PRDM2: variants seen among roughly 807,000 people sequenced by gnomAD.
PRDM2 encodes the protein PR domain zinc finger protein 2.
PRDM2 carries 30 observed loss-of-function variants against 130.0 expected under a neutral mutation model. The ratio of observed to expected loss-of-function variants is 0.23; its 90% CI spans 0.17 to 0.31. The LOEUF is 0.31. PRDM2 is among the 10% of genes least tolerant of loss of function. PRDM2 has a pLI of 1.00. For missense variants in PRDM2, 2,011 were observed against 2,108.4 expected (o/e 0.95, Z 0.90); for synonymous variants, 871 against 782.4 (o/e 1.11, Z -1.89).
chr1:13,741,874 G>GT (rs200685114), intron 4 of PRDM2, 131 bp from the exon 5 acceptor site: 14,541 of 669,056 alleles, frequency 0.022, 287 homozygotes, highest in South Asian at 0.086. Context: ...CGCTTGTTTT[G>GT]TTTTTATGAA....
intron 7 of PRDM2, among the ~76,000 whole-genome samples, chr1:13,774,666 A>G (rs1274515503): frequency 6.6e-6 from 1 of 152,154 alleles, no homozygotes. Flanking sequence ...CTGACACAAC[A>G]TCAGGTCCCA....
At chr1:13,754,211 A>C (rs2100556045) in intron 6 of PRDM2, among the ~76,000 whole-genome samples, 1 of 152,278 alleles carries the variant, frequency 6.6e-6, no homozygotes, top group East Asian at 1.9e-4. Flanking sequence ...TATGAAACTC[A>C]GTTCTGCAAA....
intron 3 of PRDM2, among the ~76,000 whole-genome samples, 200 bp downstream of exon 3, chr1:13,731,317 CACAA>C (rs560677737): frequency 4.9e-4 from 75 of 152,228 alleles, no homozygotes; most frequent in African/African-American, 1.6e-3. Flanking sequence ...ACCAGGAACA[CACAA>C]ACAGACACAC....
intron 6 of PRDM2, among the ~76,000 whole-genome samples, chr1:13,756,246 G>T (rs943494036): frequency 1.3e-5 from 2 of 148,270 alleles, no homozygotes; most frequent in Non-Finnish European, 3.0e-5. Flanking sequence ...CTGGGCAACA[G>T]AGCGAGACTC....
chr1:13,790,245 A>C (rs1201400858), intron 8 of PRDM2, among the ~76,000 whole-genome samples: 2 of 152,142 alleles, frequency 1.3e-5, no homozygotes, highest in East Asian at 3.9e-4. Flanking sequence ...TGTAGCTCTC[A>C]ATTGCTAGAG....
intron 6 of PRDM2, among the ~76,000 whole-genome samples, chr1:13,751,629 C>G (rs1643843949): frequency 6.6e-6 from 1 of 150,532 alleles, no homozygotes; most frequent in Non-Finnish European, 1.5e-5. Flanking sequence ...AGTGAATCAA[C>G]ATAAATGTCA....
chr1:13,771,029 A>G lies in PRDM2; in HGVS notation c.512-2049A>G, dbSNP rs986439085. 1.3e-5 allele frequency among the ~76,000 whole-genome samples: 2 copies of G among 152,170 alleles called. No homozygotes were observed. The highest frequency in any genetic ancestry group is 2.4e-5 in the African/African-American group (1 of 41,464). On this transcript the variant is annotated intron_variant, in intron 6 of 9. Coordinates refer to ENST00000311066, the MANE Select transcript of PRDM2 (RefSeq NM_001393986.1). This position sits in a 1 kb window ranked among gnomAD's most constrained non-coding sequence, Gnocchi z 4.1. ...GGCAGAACTAGCTTATGTCATAAGC[A>G]TAAGAAAACTGATGGAAAGGAGGTA...
chr1:13,780,064 A>T lies in PRDM2; in HGVS notation c.2269A>T (p.Ser757Cys). ...TGCCCTTCGAGACTTTGGAAAGCCAAGTGATGGGAAAGCAGCATGGACCGA... is the reference window on the plus strand; with the variant it reads ...TGCCCTTCGAGACTTTGGAAAGCCATGTGATGGGAAAGCAGCATGGACCGA... ...SPALRDFGKPSDGKAAWTDAG... is the reference protein window; with the variant it reads ...SPALRDFGKPCDGKAAWTDAG... The change falls in exon 8 of 10, where the codon AGT (serine) becomes TGT (cysteine). Residue 757 changes from serine to cysteine, a missense_variant. Physicochemically the swap from Ser to Cys is moderately radical, Grantham distance 112 (BLOSUM62 -1). Around this residue, in one of 5 missense-constraint regions of PRDM2, gnomAD observed 1,288 missense variants for 1,237.7 expected, o/e 1.04. Coordinates refer to ENST00000311066, the MANE Select transcript of PRDM2 (RefSeq NM_001393986.1). The T allele has an allele frequency of 6.2e-7, 1 of 1,614,206 alleles. No homozygotes were observed.
intron 3 of PRDM2, among the ~76,000 whole-genome samples, chr1:13,731,906 T>C (rs557889762): frequency 1.1e-4 from 16 of 152,324 alleles, no homozygotes; most frequent in Non-Finnish European, 2.1e-4. Context: ...GAACATATTG[T>C]TCAAATGAAA....
intron 9 of PRDM2, among the ~76,000 whole-genome samples, chr1:13,818,801 G>T (rs1645300593): frequency 6.6e-6 from 1 of 152,182 alleles, no homozygotes; most frequent in Non-Finnish European, 1.5e-5. Flanking sequence ...GTGGTCTGCT[G>T]CTGGAATTGA....
intron 8 of PRDM2, among the ~76,000 whole-genome samples, chr1:13,800,186 C>A (rs576434058): frequency 2.0e-4 from 30 of 152,290 alleles, no homozygotes; most frequent in African/African-American, 7.0e-4. Context: ...TCCTACTCCA[C>A]GGAATTTATG....
Position 13,729,114 on chromosome 1 carries a change from G to A in PRDM2, c.10-1886G>A, listed in dbSNP as rs1643019622. Among the ~76,000 whole-genome samples, 3 of 152,130 alleles carry A rather than the reference G, an allele frequency of 2.0e-5. No homozygotes were observed. The South Asian group carries it at 6.2e-4, about 32-fold the overall frequency. Reference sequence around the variant, plus strand: ...AATTCCCTGCTCTGTGTGGAGAGGGGGAGACACTGATAATACCTGTCTCTT... The same window carrying A: ...AATTCCCTGCTCTGTGTGGAGAGGGAGAGACACTGATAATACCTGTCTCTT... On this transcript the variant is annotated intron_variant, in intron 2 of 9. Coordinates refer to ENST00000311066, the MANE Select transcript of PRDM2 (RefSeq NM_001393986.1).
Position 13,782,331 on chromosome 1 carries a change from C to G in PRDM2, c.4536C>G (p.Asn1512Lys), listed in dbSNP as rs1244477945. Residue 1512 changes from asparagine (N) to lysine (K), a missense_variant, in exon 8 of 10, where the codon AAC (asparagine) becomes AAG (lysine). Physicochemically the swap from Asn to Lys is moderately conservative, Grantham distance 94. This residue lies in a region of PRDM2 where 410 missense variants were observed against 395.9 expected (regional missense o/e 1.04). Transcript: ENST00000311066. ...PASSDKNSNS[N>K]HRRRTADAEI... is the part of the protein sequence containing the mutation. Reference sequence around the variant, plus strand: ...GTAGTGACAAAAACAGTAACAGCAACCACCGCAGACGGACAGCGGATGCGG... The same window carrying G: ...GTAGTGACAAAAACAGTAACAGCAAGCACCGCAGACGGACAGCGGATGCGG... 2 of 1,614,102 alleles carry G rather than the reference C, an allele frequency of 1.2e-6. No individual in the cohort carries two copies. Among genetic ancestry groups the G allele is most frequent in the South Asian group, 1.1e-5 (1 of 91,060 alleles).
intron 2 of PRDM2, among the ~76,000 whole-genome samples, chr1:13,726,999 C>G (rs1642939331): frequency 6.6e-6 from 1 of 152,140 alleles, no homozygotes; most frequent in African/African-American, 2.4e-5. Flanking sequence ...TCTGGGTAGA[C>G]AAGCGAATGG....
Position 13,749,718 on chromosome 1 carries a change from C to G in PRDM2, c.511+231C>G, listed in dbSNP as rs376400657. 1.4e-3 allele frequency among the ~76,000 whole-genome samples: 216 copies of G among 152,008 alleles called. 5 individuals carry two copies. In the East Asian group the frequency reaches 0.036, roughly 25 times the overall value. On this transcript the variant is annotated intron_variant, in intron 6 of 9. Transcript: ENST00000311066. Reference sequence around the variant, plus strand: ...CTGCCCTCCCGCCCTGCCGACCCGGCCCCGCTGCTGAATCACGGCCGCCGC... The same window carrying G: ...CTGCCCTCCCGCCCTGCCGACCCGGGCCCGCTGCTGAATCACGGCCGCCGC...
At chr1:13,769,146 C>A in intron 6 of PRDM2, 1 of 985,728 alleles carries the variant, frequency 1.0e-6, no homozygotes, top group Non-Finnish European at 1.2e-6. Flanking sequence ...CTGGCAGTAG[C>A]GCCCTGTAGG....
chr1:13,791,466 G>T (rs1243610022), intron 8 of PRDM2, among the ~76,000 whole-genome samples: 1 of 152,176 alleles, frequency 6.6e-6, no homozygotes, highest in African/African-American at 2.4e-5. Context: ...GATTCTAAAG[G>T]CCCTGGGATC....
At position 13,799,931 on chromosome 1, in the gene PRDM2, A is replaced by G. The variant is rs561130954; in HGVS notation, c.5037-16496A>G. On this transcript the variant is annotated intron_variant, in intron 8 of 9. Transcript: ENST00000311066. ...GGACCAGGGCAGAGATGGTAAAGGC[A>G]TAGGAGGATTTTGTACTCAGATTCC... Among the ~76,000 whole-genome samples the G allele has an allele frequency of 3.9e-5, 6 of 152,370 alleles. No homozygotes were observed. In the East Asian group the frequency reaches 5.8e-4, roughly 15 times the overall value.
In PRDM2 at chr1:13,731,089, C is replaced by T. The variant is rs143175897; in HGVS notation, c.99C>T (p.Phe33=). 50 of 1,612,244 alleles carry T rather than the reference C, an allele frequency of 3.1e-5. 1 individual carries two copies. The African/African-American group carries it at 5.5e-4, about 18-fold the overall frequency. ...LRGLPEEVRL[F]PSAVDKTRIG... ...GACTTCCGGAGGAAGTGAGGCTTTT[C>T]CCTTCTGCTGTTGACAAGACCCGGA... The change falls in exon 3 of 10, where the codon TTC becomes TTT. Residue 33 remains phenylalanine, a synonymous_variant. Transcript: ENST00000311066.
Sources: allele counts gnomAD v4.1 joint callset (sites outside exome capture counted in the v4.1 genomes callset), GRCh38; gene constraint gnomAD v4.1.1; regional missense constraint gnomAD v4.1.1; non-coding constraint Gnocchi (gnomAD v3.1); transcripts MANE v1.5; gene names NCBI Gene and HGNC (gene_info 2026-07-23, HGNC 2026-07-21).